Variants in TMTC2 observed in about 807,000 individuals in gnomAD.
TMTC2 encodes transmembrane O-mannosyltransferase targeting cadherins 2.
A neutral mutation model predicts 82.4 loss-of-function variants in TMTC2; 43 were observed. The observed-to-expected ratio is 0.52, with a 90% CI of 0.41 to 0.67. The LOEUF (loss-of-function observed/expected upper bound fraction) is 0.67, where lower values mean the gene tolerates loss of function less well. Ranked by LOEUF, TMTC2 falls within the 30% of genes least tolerant of loss-of-function variation. The pLI is 0.00. For synonymous variants in TMTC2, 408 were observed against 381.9 expected (o/e 1.07, Z -0.80); for missense variants, 919 against 1,012.4 (o/e 0.91, Z 1.25).
intron 2 of TMTC2, among the ~76,000 whole-genome samples, chr12:82,874,409 C>G (rs138547907): frequency 5.3e-5 from 8 of 152,152 alleles, no homozygotes; most frequent in African/African-American, 1.9e-4. Flanking sequence ...TACTGCTAAG[C>G]CATTTTTGGG....
At chr12:83,106,221 T>G (rs1377618633) in intron 11 of TMTC2, among the ~76,000 whole-genome samples, 2 of 152,122 alleles carry the variant, frequency 1.3e-5, no homozygotes, top group Non-Finnish European at 2.9e-5. Flanking sequence ...AGTGACTATC[T>G]TGGAATTTTC....
intron 1 of TMTC2, among the ~76,000 whole-genome samples, chr12:82,712,177 A>G (rs921706257): frequency 2.0e-5 from 3 of 152,184 alleles, no homozygotes; most frequent in African/African-American, 7.2e-5. Flanking sequence ...TACGCCTGTA[A>G]TCCTAGCATT....
intron 2 of TMTC2, among the ~76,000 whole-genome samples, chr12:82,880,256 T>C (rs1446631872): frequency 2.0e-5 from 3 of 152,210 alleles, no homozygotes; most frequent in Non-Finnish European, 4.4e-5. Context: ...TAAAAGGTAA[T>C]GTTTGAGTTA....
intron 1 of TMTC2, among the ~76,000 whole-genome samples, chr12:82,705,814 T>C (rs1347229171): frequency 6.6e-6 from 1 of 152,026 alleles, no homozygotes; most frequent in African/African-American, 2.4e-5. Context: ...TCTGAAGAGA[T>C]TGTGCGACAT....
At chr12:82,795,739 G>A (rs1401282360) in intron 1 of TMTC2, among the ~76,000 whole-genome samples, 3 of 152,160 alleles carry the variant, frequency 2.0e-5, no homozygotes, top group Non-Finnish European at 4.4e-5. Context: ...TGGGGATGCA[G>A]CAACAAGGCG....
Position 83,132,335 on chromosome 12 carries a change from C to G in TMTC2, c.2457C>G (p.Leu819=). Residue 819 remains leucine, a synonymous_variant, in exon 12 of 12, where the codon CTC becomes CTG. Transcript: ENST00000321196. ...KPDDVITQSN[L]RKLWNIMEKQ... ...ACGATGTCATCACACAGTCCAATCT[C>G]CGCAAACTGTGGAACATCATGGAAA... 6.2e-7 allele frequency: 1 copy of G among 1,614,058 alleles called. No homozygotes were observed. Among genetic ancestry groups the G allele is most frequent in the Non-Finnish European group, 8.5e-7 (1 of 1,179,992 alleles).
chr12:82,828,963 AG>A (rs1869597286), intron 1 of TMTC2, among the ~76,000 whole-genome samples: 1 of 152,132 alleles, frequency 6.6e-6, no homozygotes, highest in Non-Finnish European at 1.5e-5. Flanking sequence ...AAAATGGAAA[AG>A]GTAATTTGAC....
intron 1 of TMTC2, among the ~76,000 whole-genome samples, chr12:82,810,869 G>T (rs1161109362): frequency 6.6e-6 from 1 of 152,124 alleles, no homozygotes; most frequent in Non-Finnish European, 1.5e-5. Flanking sequence ...AAGGTGCGTT[G>T]CTTCCCCTTC....
At chr12:82,834,087 T>A (rs1233206406) in intron 1 of TMTC2, among the ~76,000 whole-genome samples, 1 of 152,182 alleles carries the variant, frequency 6.6e-6, no homozygotes, top group African/African-American at 2.4e-5. Flanking sequence ...CTACTAGAAA[T>A]ATAATTAGCA....
At chr12:82,747,182 G>C (rs1044464113) in intron 1 of TMTC2, among the ~76,000 whole-genome samples, 4 of 152,212 alleles carry the variant, frequency 2.6e-5, no homozygotes, top group Non-Finnish European at 5.9e-5. Context: ...AACACACACA[G>C]AGTGATCATT....
intron 2 of TMTC2, among the ~76,000 whole-genome samples, chr12:82,882,850 G>A (rs1426107804): frequency 2.6e-5 from 4 of 152,032 alleles, no homozygotes; most frequent in Admixed American, 6.6e-5. Context: ...AAGGTCAGGA[G>A]TTCGAGACCA....
intron 8 of TMTC2, among the ~76,000 whole-genome samples, chr12:82,989,318 A>C (rs1189238253): frequency 6.6e-6 from 1 of 152,148 alleles, no homozygotes; most frequent in African/African-American, 2.4e-5. Flanking sequence ...ACAATAACTA[A>C]GAATTGAAGA....
chr12:82,896,675 G>A lies in TMTC2; in HGVS notation c.1483+29G>A, dbSNP rs377020720. On this transcript the variant is annotated intron_variant, in intron 3 of 11. Transcript: ENST00000321196. ...ATCTTTTATTTTATGCTTTTGTCTG[G>A]ATAGTTTACACTTTCAGCCTCTTTA... is the stretch of plus-strand genomic sequence containing the variant. 25 of 1,537,264 alleles carry A rather than the reference G, an allele frequency of 1.6e-5. 1 individual carries two copies. The African/African-American group carries it at 2.9e-4, about 18-fold the overall frequency.
chr12:82,750,977 G>A (rs370717846), intron 1 of TMTC2, among the ~76,000 whole-genome samples: 2 of 152,142 alleles, frequency 1.3e-5, no homozygotes, highest in Non-Finnish European at 2.9e-5. Flanking sequence ...CCAGGCAAGC[G>A]TGACTTCAGA....
At chr12:82,828,447 A>T (rs1482539572) in intron 1 of TMTC2, among the ~76,000 whole-genome samples, 1 of 151,280 alleles carries the variant, frequency 6.6e-6, no homozygotes, top group Non-Finnish European at 1.5e-5. Context: ...CGATCTGCCC[A>T]CCTCAGTCCC....
chr12:82,903,659 C>T (rs1038669528), intron 3 of TMTC2, among the ~76,000 whole-genome samples: 8 of 152,162 alleles, frequency 5.3e-5, no homozygotes, highest in African/African-American at 1.9e-4. Context: ...GTGATTCACC[C>T]TCCTCGGCCT....
At chr12:82,776,906 C>A (rs1877631274) in intron 1 of TMTC2, among the ~76,000 whole-genome samples, 1 of 152,134 alleles carries the variant, frequency 6.6e-6, no homozygotes, top group South Asian at 2.1e-4. Context: ...CCACTCTACT[C>A]CAACCTGGGT....
At chr12:82,956,390 T>C (rs1433814828) in intron 4 of TMTC2, among the ~76,000 whole-genome samples, 1 of 152,086 alleles carries the variant, frequency 6.6e-6, no homozygotes, top group Non-Finnish European at 1.5e-5. Context: ...GAGAAAGATG[T>C]AGTATGCAGA....
At chr12:82,866,683 A>C (rs565655289) in intron 2 of TMTC2, among the ~76,000 whole-genome samples, 1 of 152,182 alleles carries the variant, frequency 6.6e-6, no homozygotes, top group African/African-American at 2.4e-5. Flanking sequence ...AGTATTTTCA[A>C]TTCACAGAAA....
Sources: gnomAD v4.1 joint callset for allele counts (sites outside exome capture counted in the v4.1 genomes callset) on GRCh38, gnomAD v4.1.1 for gene constraint, MANE v1.5 for transcripts, NCBI Gene and HGNC (gene_info 2026-07-23, HGNC 2026-07-21) for gene names.